The following MKLN1 variants were observed in gnomAD, a reference collection of about 807,000 sequenced individuals.
MKLN1 encodes muskelin 1.
MKLN1 carries 18 observed loss-of-function variants against 99.0 expected under a neutral mutation model. The observed-to-expected ratio is 0.18, with a 90% CI of 0.13 to 0.27. The LOEUF is 0.27. MKLN1 is among the 10% of genes least tolerant of loss of function. The probability of loss-of-function intolerance (pLI) is 1.00; values close to 1 mark genes in which losing one functional copy is unlikely to be tolerated. For synonymous variants in MKLN1, 288 were observed against 293.2 expected, an observed-to-expected ratio of 0.98 and a Z score of 0.18; for missense variants, 621 against 875.9, an observed-to-expected ratio of 0.71 and a Z score of 3.67.
At chr7:131,184,098 A>G (rs1436605577) in intron 2 of MKLN1, among the ~76,000 whole-genome samples, 2 of 152,040 alleles carry the variant, frequency 1.3e-5, no homozygotes, top group African/African-American at 4.8e-5. Flanking sequence ...ATAGACTTCA[A>G]GGGTCTGCAG....
intron 12 of MKLN1, among the ~76,000 whole-genome samples, chr7:131,446,172 T>C (rs1308264983): frequency 6.6e-6 from 1 of 152,198 alleles, no homozygotes; most frequent in Admixed American, 6.5e-5. Context: ...GAAGAATCAA[T>C]ATCTTAAAAA....
At chr7:131,229,623 A>C (rs1452888360) in intron 3 of MKLN1, among the ~76,000 whole-genome samples, 1 of 152,140 alleles carries the variant, frequency 6.6e-6, no homozygotes, top group Admixed American at 6.6e-5. Flanking sequence ...TGACAAGACC[A>C]CAGCTCACTG....
At chr7:131,236,657 T>A (rs1427284901) in intron 3 of MKLN1, among the ~76,000 whole-genome samples, 3 of 151,824 alleles carry the variant, frequency 2.0e-5, no homozygotes, top group African/African-American at 7.3e-5. Flanking sequence ...TGAGATTCCA[T>A]CTCAAAAAAA....
chr7:131,430,810 C>G (rs1236607054), intron 9 of MKLN1, among the ~76,000 whole-genome samples: 1 of 152,140 alleles, frequency 6.6e-6, no homozygotes, highest in Non-Finnish European at 1.5e-5. Context: ...CACCTATAAT[C>G]ACAGTACTTT....
At chr7:131,247,274 C>T (rs574572816) in intron 3 of MKLN1, among the ~76,000 whole-genome samples, 11 of 147,372 alleles carry the variant, frequency 7.5e-5, no homozygotes, top group Middle Eastern at 3.8e-3. Context: ...AGTGCAATGC[C>T]GCAATCTCAG....
chr7:131,290,439 A>G (rs867127288), intron 3 of MKLN1, among the ~76,000 whole-genome samples: 46 of 152,242 alleles, frequency 3.0e-4, no homozygotes, highest in African/African-American at 9.9e-4. Flanking sequence ...CTCCCAACTA[A>G]AGGGTAAGCA....
At chr7:131,333,726 C>T (rs543798505) in intron 1 of MKLN1, among the ~76,000 whole-genome samples, 245 of 152,072 alleles carry the variant, frequency 1.6e-3, no homozygotes, top group Admixed American at 6.5e-3. Context: ...TTAGTAGAGA[C>T]GGGGTTTCTC....
In MKLN1 at chr7:131,492,169, C is replaced by T. The variant is rs554411074; in HGVS notation, c.*4441C>T. 1 of 152,210 alleles carries T rather than the reference C, an allele frequency of 6.6e-6. No homozygotes were observed. The highest frequency in any genetic ancestry group is 1.9e-4 in the East Asian group (1 of 5,188). The allele number at this position is 152,210 out of a possible 1,614,324, so 9.4% of individuals were successfully genotyped here. ...AAAGTACAGGTTTGATAGCAGAGTT[C>T]CTGAATTCAGCATATCATCAGAATT... On this transcript the variant is annotated 3_prime_UTR_variant, in exon 18 of 18. Coordinates refer to ENST00000352689, the MANE Select transcript of MKLN1 (RefSeq NM_013255.5).
At chr7:131,417,901 T>G (rs917691610) in intron 8 of MKLN1, among the ~76,000 whole-genome samples, 1 of 152,212 alleles carries the variant, frequency 6.6e-6, no homozygotes, top group Non-Finnish European at 1.5e-5. Flanking sequence ...AAATTTCTAC[T>G]TAATTATAAG....
At chr7:131,324,308 G>T (rs1798841560), upstream of MKLN1, 1 of 152,346 alleles carries the variant, frequency 6.6e-6, no homozygotes, top group East Asian at 1.9e-4. Flanking sequence ...AACACCTGAT[G>T]AGACTTCTGA....
chr7:131,142,309 G>A (rs1795746214), intron 1 of MKLN1, among the ~76,000 whole-genome samples: 3 of 152,000 alleles, frequency 2.0e-5, no homozygotes, highest in African/African-American at 7.3e-5. Flanking sequence ...TACTCGGGGG[G>A]CTGAAGCAAG....
chr7:131,364,974 ACC>A (rs1800137208), intron 1 of MKLN1, among the ~76,000 whole-genome samples: 1 of 152,058 alleles, frequency 6.6e-6, no homozygotes, highest in Non-Finnish European at 1.5e-5. Context: ...TCCTCTGGGT[ACC>A]TCCCCAATAA....
At chr7:131,367,230 T>A (rs902742517) in intron 1 of MKLN1, among the ~76,000 whole-genome samples, 3 of 152,194 alleles carry the variant, frequency 2.0e-5, no homozygotes, top group Non-Finnish European at 4.4e-5. Context: ...AGAATGAAAA[T>A]GTACATTTTA....
At chr7:131,449,017 T>C (rs1467886304) in intron 12 of MKLN1, among the ~76,000 whole-genome samples, 7 of 152,246 alleles carry the variant, frequency 4.6e-5, no homozygotes, top group Admixed American at 2.0e-4. Flanking sequence ...CCTGCAGTTG[T>C]GTTCTAAGTA....
chr7:131,343,531 C>T (rs1235782174), intron 1 of MKLN1, among the ~76,000 whole-genome samples: 1 of 152,170 alleles, frequency 6.6e-6, no homozygotes, highest in Non-Finnish European at 1.5e-5. Flanking sequence ...ACTTTCCTCT[C>T]TGCATAATTA....
At chr7:131,393,002 T>C (rs1230782762) in intron 4 of MKLN1, among the ~76,000 whole-genome samples, 1 of 152,114 alleles carries the variant, frequency 6.6e-6, no homozygotes, top group Non-Finnish European at 1.5e-5. Flanking sequence ...GCTCAAGCCA[T>C]GTTCCGGCCT....
chr7:131,328,019 C>T lies in MKLN1; in HGVS notation c.98+22C>T, dbSNP rs771864323. 6 of 1,612,624 alleles carry T rather than the reference C, an allele frequency of 3.7e-6. No homozygotes were observed. In the East Asian group the frequency reaches 8.9e-5, roughly 24 times the overall value. ...CCGAGTAAGTGCCGGGCCTTGAGCT[C>T]GTGCTGCCCCACCCTTCCGCGTCAG... On this transcript the variant is annotated intron_variant, in intron 1 of 17. Coordinates refer to ENST00000352689, the MANE Select transcript of MKLN1 (RefSeq NM_013255.5).
chr7:131,147,303 C>T (rs1795829638), intron 2 of MKLN1, among the ~76,000 whole-genome samples: 1 of 151,748 alleles, frequency 6.6e-6, no homozygotes, highest in Admixed American at 6.6e-5. Context: ...GGTGATCCAC[C>T]CGCCTCGACC....
intron 2 of MKLN1, among the ~76,000 whole-genome samples, chr7:131,376,733 A>G (rs963378804): frequency 6.6e-6 from 1 of 151,628 alleles, no homozygotes; most frequent in African/African-American, 2.4e-5. Context: ...CATGTTTAGA[A>G]ATGGAAAGTG....
Sources: gnomAD v4.1 joint callset for allele counts (sites outside exome capture counted in the v4.1 genomes callset) on GRCh38, gnomAD v4.1.1 for gene constraint, MANE v1.5 for transcripts, NCBI Gene and HGNC (gene_info 2026-07-23, HGNC 2026-07-21) for gene names.